The following DNAAF5 variants were observed in gnomAD, a reference collection of about 807,000 sequenced individuals.
The protein encoded by DNAAF5 is HEAT repeat containing 2.
In DNAAF5, 64 loss-of-function variants were observed where a neutral mutation model predicts 75.8. The observed-to-expected ratio is 0.84, with a 90% CI of 0.69 to 1.04. The LOEUF (loss-of-function observed/expected upper bound fraction) is 1.04. Ranked by LOEUF, DNAAF5 falls within the 50% of genes least tolerant of loss-of-function variation. The probability of loss-of-function intolerance (pLI) is 0.00; values close to 1 mark genes in which losing one functional copy is unlikely to be tolerated. For synonymous variants in DNAAF5, 657 were observed against 557.2 expected (o/e 1.18, Z -2.52); for missense variants, 1,269 against 1,178.5 (o/e 1.08, Z -1.12).
chr7:732,473 C>G, intron 2 of DNAAF5: 1 of 449,644 alleles, frequency 2.2e-6, no homozygotes, highest in South Asian at 1.6e-5. Context: ...TGCAGTTTTC[C>G]TGCTCGATGT....
intron 6 of DNAAF5, among the ~76,000 whole-genome samples, chr7:760,064 ACGGGGCCGCGCGGC>A (rs1782596615): frequency 4.8e-4 from 5 of 10,486 alleles, no homozygotes; most frequent in African/African-American, 1.2e-3. Context: ...TCCGAGGGAG[ACGGGGCCGCGCGGC>A]TCCTCCAGCT....
chr7:755,882 G>A (rs1782464494), intron 5 of DNAAF5, among the ~76,000 whole-genome samples: 1 of 152,256 alleles, frequency 6.6e-6, no homozygotes, highest in South Asian at 2.1e-4. Flanking sequence ...GAGAGCAAGA[G>A]ACACGGGGGT....
chr7:770,660 C>T (rs1562396830), intron 9 of DNAAF5, 42 bp downstream of exon 9: 1 of 1,595,134 alleles, frequency 6.3e-7, no homozygotes, highest in East Asian at 2.2e-5. Flanking sequence ...CAGCTGGGGC[C>T]TGGGCCAGGG....
At chr7:785,347 G>A (rs1779113125) in intron 12 of DNAAF5, among the ~76,000 whole-genome samples, 170 bp from the exon 13 acceptor site, 1 of 151,082 alleles carries the variant, frequency 6.6e-6, no homozygotes, top group African/African-American at 2.5e-5. Flanking sequence ...ATTGTGAGTC[G>A]GATCACTCGT....
chr7:770,333 TGAGA>T, intron 8 of DNAAF5, 134 bp from the exon 9 acceptor site: 1 of 689,560 alleles, frequency 1.5e-6, no homozygotes, highest in Non-Finnish European at 2.4e-6. Context: ...CCTTACTGAT[TGAGA>T]AAGAGGAAGC....
chr7:741,299 C>A, intron 3 of DNAAF5, 48 bp from the exon 4 acceptor site: 1 of 1,426,988 alleles, frequency 7.0e-7, no homozygotes, highest in East Asian at 2.4e-5. Context: ...TGCGGCCTCC[C>A]CTGCGTGCCC....
chr7:782,078 C>G (rs138740139), intron 12 of DNAAF5, among the ~76,000 whole-genome samples: 2 of 152,118 alleles, frequency 1.3e-5, no homozygotes, highest in Non-Finnish European at 2.9e-5. Context: ...GGTTTCCCGG[C>G]GTGGCTACAT....
chr7:737,736 C>T (rs1268192018), intron 2 of DNAAF5, among the ~76,000 whole-genome samples: 1 of 152,210 alleles, frequency 6.6e-6, no homozygotes, highest in Non-Finnish European at 1.5e-5. Context: ...TATGCCAAGC[C>T]ACTGTCTCCT....
rs185053688 is a variant in DNAAF5, at chr7:768,926, C to A, written c.1784-1545C>A. 69 of 550,274 alleles carry A rather than the reference C, an allele frequency of 1.3e-4. No homozygotes were observed. In the South Asian group the frequency reaches 1.6e-3, roughly 13 times the overall value. 34.1% of individuals were successfully genotyped at this position (550,274 alleles called of 1,614,324 possible). On this transcript the variant is annotated intron_variant, in intron 8 of 12. Transcript: ENST00000297440. ...AAGCAGCGTGGTTCTCGTGGCAGGG[C>A]GGCACTTGGCCCAAGACTCGTGCTC...
At chr7:775,514 GTGTGT>G (rs1562399994) in intron 11 of DNAAF5, among the ~76,000 whole-genome samples, 9 of 17,858 alleles carry the variant, frequency 5.0e-4, no homozygotes, top group African/African-American at 2.6e-3. Flanking sequence ...AAGTAGGGGT[GTGTGT>G]GTGTGTGTGT....
At chr7:742,447 T>TCATGCCCAGCTCAAATCA (rs1583483882) in intron 4 of DNAAF5, among the ~76,000 whole-genome samples, 1 of 66,454 alleles carries the variant, frequency 1.5e-5, no homozygotes, top group East Asian at 4.1e-4. Context: ...CTCAAATCAA[T>TCATGCCCAGCTCAAATCA]CATGCCCAGC....
rs746393600 is a variant in DNAAF5, at chr7:754,734, C to T, written c.1170C>T (p.Ala390=). The T allele has an allele frequency of 5.0e-6, 8 of 1,613,582 alleles. No homozygotes were observed. The highest frequency in any genetic ancestry group is 1.3e-5 in the African/African-American group (1 of 74,912). Residue 390 remains alanine (A), a synonymous_variant, in exon 5 of 13, where the codon GCC becomes GCT. Transcript: ENST00000297440. This position sits in a 1 kb window ranked among gnomAD's most constrained non-coding sequence, Gnocchi z 4.8. ...TGCTCCCAGTGCTGCTGCTGCATGC[C>T]GAGGACCACGCCACGCAGCACCTGG... is the stretch of plus-strand genomic sequence containing the variant. ...AQLLPVLLLH[A]EDHATQHLEV... is the part of the protein sequence containing the mutation.
Position 745,641 on chromosome 7 carries a change from TCACA to T in DNAAF5, c.1024+4180_1024+4183del, listed in dbSNP as rs549215883. Among the ~76,000 whole-genome samples the T allele has an allele frequency of 3.6e-3, 550 of 152,152 alleles. 5 individuals carry two copies. The highest frequency in any genetic ancestry group is 0.012 in the African/African-American group (518 of 41,500). ...TGCACACACGTGTACATGTATATCC[TCACA>T]CACGTACACACTTATCCTCACACAC... On this transcript the variant is annotated intron_variant, in intron 4 of 12. Transcript: ENST00000297440.
At chr7:784,356 C>T (rs965042353) in intron 12 of DNAAF5, among the ~76,000 whole-genome samples, 1 of 152,232 alleles carries the variant, frequency 6.6e-6, no homozygotes, top group African/African-American at 2.4e-5. Flanking sequence ...CGCTACCCCC[C>T]TCCCTGACTG....
At chr7:774,894 T>A (rs1025678443) in intron 10 of DNAAF5, 112 bp from the exon 11 acceptor site, 2 of 871,316 alleles carry the variant, frequency 2.3e-6, no homozygotes. Context: ...ACTTTTTAGG[T>A]AAAGCTTTCA....
At position 775,032 on chromosome 7, in the gene DNAAF5, G is replaced by A; in HGVS notation, c.2109G>A (p.Met703Ile). Reference sequence around the variant, plus strand: ...TACGGGACGTGCAGGAAACACTGATGCCCCAGGTCCTGACCACCCTGGAGG... The same window carrying A: ...TACGGGACGTGCAGGAAACACTGATACCCCAGGTCCTGACCACCCTGGAGG... ...EQIRDVQETL[M>I]PQVLTTLEED... The change falls in exon 11 of 13, where the codon ATG becomes ATA. Residue 703 changes from methionine to isoleucine, a missense_variant. Physicochemically the swap from Met to Ile is conservative, Grantham distance 10. Transcript: ENST00000297440. 1 of 1,613,844 alleles carries A rather than the reference G, an allele frequency of 6.2e-7. No homozygotes were observed. Among genetic ancestry groups the A allele is most frequent in the Non-Finnish European group, 8.5e-7 (1 of 1,179,816 alleles).
At chr7:774,411 C>T (rs1315732502) in intron 10 of DNAAF5, among the ~76,000 whole-genome samples, 2 of 152,300 alleles carry the variant, frequency 1.3e-5, no homozygotes, top group Admixed American at 1.3e-4. Context: ...AGAGCGGGAG[C>T]CAGGCCGCGG....
chr7:764,290 T>C (rs935514563), intron 8 of DNAAF5, among the ~76,000 whole-genome samples: 1 of 152,234 alleles, frequency 6.6e-6, no homozygotes, highest in Non-Finnish European at 1.5e-5. Flanking sequence ...TTGCAGAATC[T>C]AGATGTCTAG....
At chr7:743,829 ATATT>A (rs1172708418) in intron 4 of DNAAF5, among the ~76,000 whole-genome samples, 8 of 150,524 alleles carry the variant, frequency 5.3e-5, no homozygotes, top group Admixed American at 4.6e-4. Context: ...TTTTTAGTTT[ATATT>A]TATTTATTTA....
Sources: gnomAD v4.1 joint callset for allele counts (sites outside exome capture counted in the v4.1 genomes callset) on GRCh38, gnomAD v4.1.1 for gene constraint, Gnocchi (gnomAD v3.1) non-coding constraint, MANE v1.5 for transcripts, NCBI Gene and HGNC (gene_info 2026-07-23, HGNC 2026-07-21) for gene names.